The following SRGAP3 variants were observed in gnomAD, a reference collection of about 807,000 sequenced individuals.
The protein encoded by SRGAP3 is SLIT-ROBO Rho GTPase-activating protein 3.
In SRGAP3, 39 loss-of-function variants were observed where a neutral mutation model predicts 121.1. The observed-to-expected ratio is 0.32, with a 90% confidence interval of 0.25 to 0.42. The LOEUF is 0.42. Among genes scored for constraint, SRGAP3 ranks in the 10% least tolerant of loss-of-function variants. The pLI is 1.00. For missense variants in SRGAP3, 1,213 were observed against 1,470.6 expected (o/e 0.82, Z 2.86); for synonymous variants, 601 against 570.0 (o/e 1.05, Z -0.77).
At chr3:9,028,862 C>G (rs1468902122) in intron 12 of SRGAP3, among the ~76,000 whole-genome samples, 2 of 152,306 alleles carry the variant, frequency 1.3e-5, no homozygotes, top group South Asian at 2.1e-4. Flanking sequence ...GAAGTTGAGT[C>G]AGAATGCCTT....
At position 9,265,405 on chromosome 3, in the gene SRGAP3, G is replaced by A. The variant is rs191044750; in HGVS notation, n.442+60605C>T. 1.0e-3 allele frequency among the ~76,000 whole-genome samples: 157 copies of A among 152,036 alleles called. 1 individual carries two copies. Among genetic ancestry groups the A allele is most frequent in the South Asian group, 2.1e-4 (1 of 4,818 alleles). On this transcript the variant is annotated intron_variant and non_coding_transcript_variant, in intron 3 of 3. Transcript: ENST00000490889. ...TAATTAAACTAAAGAGCTTCTGCAC[G>A]GCAAAAGAGACTACCATCAGAGTGA...
intron 2 of SRGAP3, among the ~76,000 whole-genome samples, chr3:9,111,164 T>G (rs1261294292): frequency 6.6e-6 from 1 of 152,182 alleles, no homozygotes; most frequent in African/African-American, 2.4e-5. Context: ...GAGCAGACAG[T>G]CTGGTGAAGA....
intron 1 of SRGAP3, among the ~76,000 whole-genome samples, chr3:9,240,445 C>G (rs1430550185): frequency 6.6e-6 from 1 of 152,106 alleles, no homozygotes; most frequent in Non-Finnish European, 1.5e-5. Context: ...CCCAAACTCA[C>G]CCCCTCCTGA....
chr3:9,182,859 T>A (rs1951468171), intron 1 of SRGAP3, among the ~76,000 whole-genome samples: 2 of 152,082 alleles, frequency 1.3e-5, no homozygotes, highest in South Asian at 4.2e-4. Flanking sequence ...GGTCTCACTG[T>A]GTTGCCCAGG....
intron 3 of SRGAP3, among the ~76,000 whole-genome samples, chr3:9,102,944 G>T (rs1280023927): frequency 1.3e-5 from 2 of 152,190 alleles, no homozygotes; most frequent in Non-Finnish European, 2.9e-5. Flanking sequence ...CGGGGGCTGG[G>T]AATGGGACCA....
chr3:9,313,147 C>T (rs571687244), intron 3 of SRGAP3, among the ~76,000 whole-genome samples: 4 of 152,200 alleles, frequency 2.6e-5, no homozygotes, highest in Non-Finnish European at 4.4e-5. Context: ...TCCTCCCAAA[C>T]TGGCTTCCTT....
intron 1 of SRGAP3, among the ~76,000 whole-genome samples, chr3:9,185,436 CTG>C (rs1200512340): frequency 6.6e-6 from 1 of 152,096 alleles, no homozygotes; most frequent in Non-Finnish European, 1.5e-5. Context: ...ACTGGGCTGA[CTG>C]TGGAAGGGAG....
At chr3:9,062,837 C>A (rs1946238926) in intron 5 of SRGAP3, among the ~76,000 whole-genome samples, 2 of 152,160 alleles carry the variant, frequency 1.3e-5, no homozygotes, top group Admixed American at 6.5e-5. Flanking sequence ...TATTCATGTA[C>A]AAGTCTTTGA....
intron 3 of SRGAP3, among the ~76,000 whole-genome samples, chr3:9,294,699 T>TGTGTGTGC: frequency 7.2e-6 from 1 of 139,482 alleles, no homozygotes; most frequent in African/African-American, 2.8e-5. Context: ...AGCTTTCGTG[T>TGTGTGTGC]GTGTGTGTGT....
chr3:9,127,528 A>G (rs1949282445), intron 1 of SRGAP3, among the ~76,000 whole-genome samples: 1 of 151,870 alleles, frequency 6.6e-6, no homozygotes, highest in South Asian at 2.1e-4. Context: ...ACTCACTGCA[A>G]CCTCCGCCTC....
At chr3:9,122,573 G>A (rs140608900) in intron 2 of SRGAP3, among the ~76,000 whole-genome samples, 3,531 of 152,090 alleles carry the variant, frequency 0.023, 124 homozygotes, top group African/African-American at 0.081. Flanking sequence ...GCTGGGCATC[G>A]TGGCGGGCAC....
chr3:9,096,951 A>G (rs1403370690), intron 3 of SRGAP3, among the ~76,000 whole-genome samples: 25 of 90,116 alleles, frequency 2.8e-4, no homozygotes, highest in African/African-American at 1.4e-3. Flanking sequence ...ATATATATAT[A>G]TATATATATA....
chr3:9,099,949 G>T (rs1245824620), intron 3 of SRGAP3, among the ~76,000 whole-genome samples: 1 of 152,224 alleles, frequency 6.6e-6, no homozygotes, highest in Non-Finnish European at 1.5e-5. Context: ...CAGTGGAGTG[G>T]CAGAGACAGC....
intron 1 of SRGAP3, among the ~76,000 whole-genome samples, chr3:9,157,627 C>T (rs750461283): frequency 2.4e-4 from 37 of 152,132 alleles, no homozygotes; most frequent in African/African-American, 8.7e-4. Flanking sequence ...CAGTTGGTAA[C>T]GGCAGAGTAA....
chr3:9,311,812 G>C (rs1457572743), intron 3 of SRGAP3, among the ~76,000 whole-genome samples: 1 of 152,124 alleles, frequency 6.6e-6, no homozygotes, highest in African/African-American at 2.4e-5. Context: ...GGAGGTGGGG[G>C]TAGGGTCAGG....
intron 1 of SRGAP3, among the ~76,000 whole-genome samples, chr3:9,141,398 G>A (rs1949841134): frequency 6.6e-6 from 1 of 152,196 alleles, no homozygotes; most frequent in Admixed American, 6.5e-5. Context: ...TGCGGCTACT[G>A]CATGGGATGG....
chr3:9,251,810 T>C (rs1418645151), upstream of SRGAP3, among the ~76,000 whole-genome samples: 1 of 152,034 alleles, frequency 6.6e-6, no homozygotes. Flanking sequence ...TTGGAGTAAG[T>C]CAGATGGTGG....
intron 1 of SRGAP3, chr3:9,192,692 T>C (rs181215451): frequency 2.0e-5 from 3 of 152,366 alleles, no homozygotes; most frequent in South Asian, 4.1e-4. Flanking sequence ...TCAGCTTTTC[T>C]AATTTTTGTG....
chr3:9,024,129 G>A (rs1335712084), intron 14 of SRGAP3, among the ~76,000 whole-genome samples: 1 of 152,152 alleles, frequency 6.6e-6, no homozygotes, highest in Non-Finnish European at 1.5e-5. Context: ...AGCCAACAGG[G>A]GTAAACCATA....
Sources: allele counts gnomAD v4.1 joint callset (sites outside exome capture counted in the v4.1 genomes callset), GRCh38; gene constraint gnomAD v4.1.1; transcripts MANE v1.5; gene names NCBI Gene and HGNC (gene_info 2026-07-23, HGNC 2026-07-21).